Variants in UBASH3B observed in about 807,000 individuals in gnomAD.
UBASH3B encodes ubiquitin associated and SH3 domain containing B.
Under a neutral mutation model 83.4 loss-of-function variants are expected in UBASH3B, and 37 were observed. The ratio of observed to expected loss-of-function variants is 0.44; its 90% confidence interval spans 0.34 to 0.58. The LOEUF (loss-of-function observed/expected upper bound fraction) is 0.58. Ranked by LOEUF, UBASH3B falls within the 20% of genes least tolerant of loss-of-function variation. UBASH3B has a pLI of 0.01. For synonymous variants in UBASH3B, 304 were observed against 318.3 expected (o/e 0.96, Z 0.48); for missense variants, 657 against 827.2 (o/e 0.79, Z 2.52).
At position 122,721,420 on chromosome 11, in the gene UBASH3B, T is replaced by C. The variant is rs1860635788; in HGVS notation, c.162-54799T>C. 1.3e-5 allele frequency among the ~76,000 whole-genome samples: 2 copies of C among 152,018 alleles called. 1 individual carries two copies. Among genetic ancestry groups the C allele is most frequent in the Admixed American group, 1.3e-4 (2 of 15,272 alleles). ...TGGTGGCTGGGAGGACCACTAAATC[T>C]TTTTTGCTATAAATTGCTTTCCCGT... On this transcript the variant is annotated intron_variant, in intron 1 of 13. Coordinates refer to ENST00000284273, the MANE Select transcript of UBASH3B (RefSeq NM_032873.5).
chr11:122,679,614 G>A (rs574027880), intron 1 of UBASH3B, among the ~76,000 whole-genome samples: 1 of 152,342 alleles, frequency 6.6e-6, no homozygotes, highest in African/African-American at 2.4e-5. Context: ...AAACTCTGTA[G>A]AGGGCCAGAG....
In UBASH3B at chr11:122,731,120, G is replaced by T. The variant is rs147541993; in HGVS notation, c.162-45099G>T. ...AGCGCAGAGAGCACCAGACCCAATT[G>T]TGCCAATCGGATTCTGTTTCAGGTC... On this transcript the variant is annotated intron_variant, in intron 1 of 13. Transcript: ENST00000284273. 7.5e-3 allele frequency among the ~76,000 whole-genome samples: 1,149 copies of T among 152,254 alleles called. 6 individuals are homozygous for T. The highest frequency in any genetic ancestry group is 0.012 in the Non-Finnish European group (834 of 68,020).
intron 1 of UBASH3B, among the ~76,000 whole-genome samples, chr11:122,732,873 T>C (rs1860865685): frequency 6.6e-6 from 1 of 152,238 alleles, no homozygotes. Context: ...GCTCCTCCTA[T>C]TCAAATAGTG....
At chr11:122,807,455 T>G (rs905180883) in intron 12 of UBASH3B, among the ~76,000 whole-genome samples, 1 of 152,250 alleles carries the variant, frequency 6.6e-6, no homozygotes, top group African/African-American at 2.4e-5. Context: ...ACCATAGTTA[T>G]GTAAGATGTT....
At chr11:122,745,082 C>T (rs1861096548) in intron 1 of UBASH3B, among the ~76,000 whole-genome samples, 3 of 152,210 alleles carry the variant, frequency 2.0e-5, no homozygotes, top group Non-Finnish European at 4.4e-5. Context: ...CAGGGTAACA[C>T]TGGCATCTGC....
chr11:122,677,030 G>A (rs991035386), intron 1 of UBASH3B, among the ~76,000 whole-genome samples: 1 of 152,144 alleles, frequency 6.6e-6, no homozygotes, highest in African/African-American at 2.4e-5. Flanking sequence ...CATGTCCATA[G>A]GTTTTGAATT....
At chr11:122,724,991 C>A (rs955711668) in intron 1 of UBASH3B, among the ~76,000 whole-genome samples, 1 of 151,356 alleles carries the variant, frequency 6.6e-6, no homozygotes, top group Admixed American at 6.6e-5. Flanking sequence ...CTTGCTCTTT[C>A]CCCCAGGCTG....
In UBASH3B at chr11:122,728,292, C is replaced by T. The variant is rs749198186; in HGVS notation, c.162-47927C>T. Among the ~76,000 whole-genome samples the T allele has an allele frequency of 1.4e-4, 21 of 152,132 alleles. 1 individual carries two copies. The highest frequency in any genetic ancestry group is 7.2e-4 in the Admixed American group (11 of 15,274). Reference sequence around the variant, plus strand: ...CCTAGGCTGACCCTGGAAAGAATTCCGGATGCTACTTGGGAGATACTCCTT... The same window carrying T: ...CCTAGGCTGACCCTGGAAAGAATTCTGGATGCTACTTGGGAGATACTCCTT... On this transcript the variant is annotated intron_variant, in intron 1 of 13. Transcript: ENST00000284273.
At chr11:122,667,433 G>C (rs932845382) in intron 1 of UBASH3B, among the ~76,000 whole-genome samples, 1 of 152,138 alleles carries the variant, frequency 6.6e-6, no homozygotes, top group Non-Finnish European at 1.5e-5. Context: ...TATTATAACA[G>C]GAGTTGAGAG....
intron 1 of UBASH3B, among the ~76,000 whole-genome samples, chr11:122,760,965 G>A (rs1050532906): frequency 6.6e-6 from 1 of 152,128 alleles, no homozygotes; most frequent in African/African-American, 2.4e-5. Flanking sequence ...CTGGATTTCG[G>A]TCTCCCTGGA....
intron 3 of UBASH3B, among the ~76,000 whole-genome samples, chr11:122,777,849 C>A (rs2135142433): frequency 6.6e-6 from 1 of 152,272 alleles, no homozygotes; most frequent in South Asian, 2.1e-4. Context: ...CCTGCCTCAG[C>A]CTCCCAAGTG....
At chr11:122,760,691 A>AC (rs988867588) in intron 1 of UBASH3B, among the ~76,000 whole-genome samples, 2 of 152,168 alleles carry the variant, frequency 1.3e-5, no homozygotes, top group Non-Finnish European at 2.9e-5. Context: ...TGAGAGAAGA[A>AC]CCAGGGAGCA....
intron 1 of UBASH3B, among the ~76,000 whole-genome samples, chr11:122,728,966 G>T (rs1860792349): frequency 6.6e-6 from 1 of 151,706 alleles, no homozygotes; most frequent in African/African-American, 2.4e-5. Context: ...GGTCAGACGG[G>T]GACAGAGAGT....
chr11:122,801,040 T>C (rs1861250314), intron 10 of UBASH3B, 148 bp from the exon 11 acceptor site: 1 of 967,572 alleles, frequency 1.0e-6, no homozygotes, highest in Non-Finnish European at 1.5e-6. Context: ...ATTAAAAACC[T>C]TGTCCAAATC....
chr11:122,765,491 G>C (rs965761163), intron 1 of UBASH3B, among the ~76,000 whole-genome samples: 1 of 152,140 alleles, frequency 6.6e-6, no homozygotes, highest in Non-Finnish European at 1.5e-5. Flanking sequence ...TGACTTAGAG[G>C]GTGAAGGGGA....
intron 1 of UBASH3B, among the ~76,000 whole-genome samples, chr11:122,729,952 G>T (rs955397467): frequency 3.0e-5 from 4 of 133,790 alleles, no homozygotes; most frequent in Admixed American, 8.0e-5. Context: ...ACTCCAGCCT[G>T]GGTGACAGAG....
intron 1 of UBASH3B, among the ~76,000 whole-genome samples, chr11:122,666,623 T>A (rs1170262598): frequency 6.6e-6 from 1 of 152,094 alleles, no homozygotes; most frequent in Non-Finnish European, 1.5e-5. Context: ...TTCACCATGT[T>A]TGCCAGGCTG....
At chr11:122,725,373 T>G (rs1200388639) in intron 1 of UBASH3B, among the ~76,000 whole-genome samples, 1 of 148,100 alleles carries the variant, frequency 6.8e-6, no homozygotes, top group Non-Finnish European at 1.5e-5. Flanking sequence ...CTCAATGACT[T>G]GAGTACCTCG....
chr11:122,788,290 C>T (rs914430169), intron 5 of UBASH3B, among the ~76,000 whole-genome samples: 4 of 152,264 alleles, frequency 2.6e-5, no homozygotes, highest in Admixed American at 2.0e-4. Context: ...CTAAGTTGGC[C>T]GGGCATGGTG....
Sources: gnomAD v4.1 joint callset for allele counts (sites outside exome capture counted in the v4.1 genomes callset) on GRCh38, gnomAD v4.1.1 for gene constraint, MANE v1.5 for transcripts, NCBI Gene and HGNC (gene_info 2026-07-23, HGNC 2026-07-21) for gene names.